The following DNM3 variants were observed in gnomAD, a reference collection of about 807,000 sequenced individuals.
DNM3 encodes the protein dynamin-3.
In DNM3, 47 loss-of-function variants were observed where a neutral mutation model predicts 101.6. The observed-to-expected ratio is 0.46, with a 90% CI of 0.37 to 0.59. The LOEUF is 0.59. Among genes scored for constraint, DNM3 ranks in the 20% least tolerant of loss-of-function variants. The pLI, the probability that DNM3 is intolerant of heterozygous loss-of-function variation, is 0.00. For missense variants in DNM3, 849 were observed against 1,085.7 expected, an observed-to-expected ratio of 0.78 and a Z score of 3.06; for synonymous variants, 385 against 387.9, an observed-to-expected ratio of 0.99 and a Z score of 0.09.
intron 1 of DNM3, among the ~76,000 whole-genome samples, chr1:171,870,455 AC>A (rs1210044368): frequency 6.6e-6 from 1 of 151,946 alleles, no homozygotes; most frequent in African/African-American, 2.4e-5. Flanking sequence ...AAACAAAAAA[AC>A]AAACAAAACA....
intron 1 of DNM3, among the ~76,000 whole-genome samples, chr1:171,882,436 C>T (rs1236763219): frequency 7.0e-6 from 1 of 143,356 alleles, no homozygotes; most frequent in Non-Finnish European, 1.5e-5. Context: ...TCTATACACA[C>T]ACACACACAC....
intron 1 of DNM3, among the ~76,000 whole-genome samples, chr1:171,881,583 T>C (rs933780034): frequency 4.6e-5 from 7 of 152,174 alleles, no homozygotes; most frequent in African/African-American, 1.7e-4. Flanking sequence ...AGCAGCTCCA[T>C]AGAGCCAGGG....
intron 1 of DNM3, among the ~76,000 whole-genome samples, chr1:171,896,934 C>A (rs985463845): frequency 1.3e-5 from 2 of 151,896 alleles, no homozygotes; most frequent in Non-Finnish European, 2.9e-5. Flanking sequence ...AAATTTGCTC[C>A]CTTAATTGTT....
chr1:172,343,108 T>G (rs1008819644), intron 17 of DNM3, among the ~76,000 whole-genome samples: 4 of 152,164 alleles, frequency 2.6e-5, no homozygotes, highest in African/African-American at 9.7e-5. Flanking sequence ...CCTCTAAGAC[T>G]AACCATAATT....
intron 3 of DNM3, 65 bp from the exon 4 acceptor site, chr1:171,988,880 G>T (rs997669714): frequency 1.6e-5 from 22 of 1,391,572 alleles, no homozygotes; most frequent in East Asian, 1.3e-4. Flanking sequence ...AGTGACAAAT[G>T]ATTCTGTATT....
chr1:171,980,991 G>A (rs188860098), intron 2 of DNM3, among the ~76,000 whole-genome samples: 5 of 151,924 alleles, frequency 3.3e-5, no homozygotes, highest in Non-Finnish European at 5.9e-5. Flanking sequence ...GTCTGGTCTC[G>A]AACTCCTGAC....
At chr1:172,075,677 C>T (rs934594193) in intron 11 of DNM3, among the ~76,000 whole-genome samples, 5 of 152,086 alleles carry the variant, frequency 3.3e-5, no homozygotes, top group African/African-American at 2.4e-5. Flanking sequence ...GTCTGTATAT[C>T]GGTTTTGGTA....
chr1:172,056,132 G>A (rs999908632), intron 10 of DNM3, among the ~76,000 whole-genome samples: 11 of 152,158 alleles, frequency 7.2e-5, no homozygotes, highest in East Asian at 5.8e-4. Flanking sequence ...GTGCTTTTCC[G>A]ACAGGCTTAA....
intron 1 of DNM3, among the ~76,000 whole-genome samples, chr1:171,910,342 G>T (rs961503236): frequency 6.6e-6 from 1 of 152,220 alleles, no homozygotes; most frequent in Non-Finnish European, 1.5e-5. Context: ...GTCATTCTGA[G>T]TAGTTAGTTA....
intron 17 of DNM3, among the ~76,000 whole-genome samples, chr1:172,358,562 C>G (rs1202516340): frequency 6.6e-6 from 1 of 151,996 alleles, no homozygotes; most frequent in Non-Finnish European, 1.5e-5. Flanking sequence ...CAAATCTCTA[C>G]AAGACTCTCA....
At chr1:172,256,283 C>T (rs570004208) in intron 15 of DNM3, among the ~76,000 whole-genome samples, 1 of 152,016 alleles carries the variant, frequency 6.6e-6, no homozygotes, top group African/African-American at 2.4e-5. Context: ...TAGGGATTAA[C>T]TATTAGCTGA....
intron 1 of DNM3, among the ~76,000 whole-genome samples, chr1:171,912,740 G>A (rs544898792): frequency 2.1e-4 from 32 of 152,276 alleles, no homozygotes; most frequent in Middle Eastern, 3.4e-3. Context: ...ATTTGCAAGG[G>A]AGGCTGGGAA....
In DNM3 at chr1:172,057,843, A is replaced by C. The variant is rs1250352118; in HGVS notation, c.1335+9093A>C. ...TGACAGGATCAAATTCACACATAAA[A>C]ATATTAACTTTAAATGTAAATGGAC... On this transcript the variant is annotated intron_variant, in intron 10 of 20. Transcript: ENST00000627582. Among the ~76,000 whole-genome samples the C allele has an allele frequency of 7.6e-5, 11 of 145,204 alleles. No homozygotes were observed. The East Asian group carries it at 1.3e-3, about 17-fold the overall frequency.
rs143567316 is a variant in DNM3, at chr1:171,886,855, CT to C, written c.162-34884del. 4.6e-5 allele frequency among the ~76,000 whole-genome samples: 7 copies of C among 151,394 alleles called. No homozygotes were observed. The East Asian group carries it at 5.8e-4, about 13-fold the overall frequency. ...ATGCACACAGCTCTCTTAAAGCCAA[CT>C]TTTTTTTTGTGAGTTGGCACAGATT... On this transcript the variant is annotated intron_variant, in intron 1 of 20. Coordinates refer to ENST00000627582, the MANE Select transcript of DNM3 (RefSeq NM_015569.5).
chr1:172,392,422 G>T (rs920183043), intron 20 of DNM3, among the ~76,000 whole-genome samples: 1 of 67,790 alleles, frequency 1.5e-5, no homozygotes, highest in African/African-American at 3.1e-5. Context: ...ATCCAATCCA[G>T]TGTGTATTTA....
chr1:172,169,346 A>G (rs912943552), intron 14 of DNM3, among the ~76,000 whole-genome samples: 4 of 151,898 alleles, frequency 2.6e-5, no homozygotes, highest in Non-Finnish European at 5.9e-5. Context: ...TTTTAGCTAC[A>G]TCTCTGTGAC....
At chr1:171,856,558 T>C (rs2125021893) in intron 1 of DNM3, among the ~76,000 whole-genome samples, 1 of 152,266 alleles carries the variant, frequency 6.6e-6, no homozygotes, top group Middle Eastern at 3.4e-3. Context: ...TTGAGCAGTA[T>C]TTTGTAGTTC....
intron 15 of DNM3, among the ~76,000 whole-genome samples, chr1:172,259,170 T>C (rs78339302): frequency 6.6e-6 from 1 of 152,112 alleles, no homozygotes; most frequent in Non-Finnish European, 1.5e-5. Flanking sequence ...TCCTACTATA[T>C]GGTCTACCCT....
At chr1:171,897,081 T>A (rs1020286377) in intron 1 of DNM3, among the ~76,000 whole-genome samples, 30 of 145,168 alleles carry the variant, frequency 2.1e-4, no homozygotes, top group African/African-American at 4.2e-4. Flanking sequence ...ATATATATAT[T>A]TTTTAGCATC....
Sources: gnomAD v4.1 joint callset for allele counts (sites outside exome capture counted in the v4.1 genomes callset) on GRCh38, gnomAD v4.1.1 for gene constraint, MANE v1.5 for transcripts, NCBI Gene and HGNC (gene_info 2026-07-23, HGNC 2026-07-21) for gene names.